NRXN3: variants seen among roughly 807,000 people sequenced by gnomAD.
NRXN3 encodes neurexin 3, also known as neurexin III.
In NRXN3, 32 loss-of-function variants were observed where a neutral mutation model predicts 137.6. The observed-to-expected ratio is 0.23, with a 90% confidence interval of 0.18 to 0.31. The LOEUF is 0.31. Ranked by LOEUF, NRXN3 falls within the 10% of genes least tolerant of loss-of-function variation. The pLI is 1.00. For synonymous variants in NRXN3, 798 were observed against 784.5 expected, an observed-to-expected ratio of 1.02 and a Z score of -0.29; for missense variants, 1,574 against 2,062.5, an observed-to-expected ratio of 0.76 and a Z score of 4.59.
intron 4 of NRXN3, among the ~76,000 whole-genome samples, chr14:78,611,639 C>T (rs1003906079): frequency 6.6e-6 from 1 of 152,122 alleles, no homozygotes; most frequent in Non-Finnish European, 1.5e-5. Flanking sequence ...AGAAGTTGAA[C>T]CCAAGATCAG....
chr14:78,805,671 T>G (rs1307587884), intron 9 of NRXN3, among the ~76,000 whole-genome samples: 3 of 151,792 alleles, frequency 2.0e-5, no homozygotes, highest in Non-Finnish European at 2.9e-5. Flanking sequence ...AAGACAATTT[T>G]TATCTCTGGA....
intron 10 of NRXN3, among the ~76,000 whole-genome samples, chr14:78,849,001 A>C (rs1021338212): frequency 6.6e-6 from 1 of 152,112 alleles, no homozygotes; most frequent in African/African-American, 2.4e-5. Flanking sequence ...GTCAGTGGTA[A>C]GTAATTATGC....
At chr14:78,337,026 G>T (rs1423445400) in intron 4 of NRXN3, among the ~76,000 whole-genome samples, 2 of 152,150 alleles carry the variant, frequency 1.3e-5, no homozygotes, top group African/African-American at 4.8e-5. Context: ...CTAGAATTTA[G>T]TCTAAGCCCC....
At chr14:78,777,799 G>C (rs1444011910) in intron 8 of NRXN3, among the ~76,000 whole-genome samples, 2 of 152,158 alleles carry the variant, frequency 1.3e-5, no homozygotes, top group Non-Finnish European at 2.9e-5. Flanking sequence ...GTCTCGTTCT[G>C]TCACCCAGGC....
chr14:78,917,988 G>GAAAA (rs71131666), intron 10 of NRXN3, among the ~76,000 whole-genome samples: 11,744 of 107,114 alleles, frequency 0.11, 812 homozygotes, highest in Non-Finnish European at 0.17. Context: ...ATAAAAAAAT[G>GAAAA]AAAAAAAAAA....
Position 79,862,561 on chromosome 14 carries a change from T to C in NRXN3, c.*597T>C, listed in dbSNP as rs2099415330. Reference sequence around the variant, plus strand: ...TAACTTTATGATCTGAGGGGAAAAATGGCTTTTGGGTTTTTGTTTATTTTT... The same window carrying C: ...TAACTTTATGATCTGAGGGGAAAAACGGCTTTTGGGTTTTTGTTTATTTTT... On this transcript the variant is annotated 3_prime_UTR_variant, in exon 21 of 21. Coordinates refer to ENST00000335750, the MANE Select transcript of NRXN3 (RefSeq NM_001330195.2). 1.3e-5 allele frequency: 2 copies of C among 151,926 alleles called. No individual in the cohort carries two copies. The highest frequency in any genetic ancestry group is 6.6e-5 in the Admixed American group (1 of 15,212). The allele number at this position is 151,926 out of a possible 1,614,324, so 9.4% of individuals were successfully genotyped here.
chr14:79,521,180 A>C (rs1394824275), intron 16 of NRXN3, among the ~76,000 whole-genome samples: 1 of 152,152 alleles, frequency 6.6e-6, no homozygotes, highest in African/African-American at 2.4e-5. Flanking sequence ...TGTGATAGAT[A>C]TATTTGTTCC....
chr14:79,207,747 A>G (rs2066999663), intron 15 of NRXN3, among the ~76,000 whole-genome samples: 1 of 152,134 alleles, frequency 6.6e-6, no homozygotes, highest in South Asian at 2.1e-4. Context: ...CATAGGCATA[A>G]GGGTTGTTCT....
chr14:79,418,003 A>C (rs2095521932), intron 15 of NRXN3, among the ~76,000 whole-genome samples: 1 of 152,174 alleles, frequency 6.6e-6, no homozygotes, highest in Non-Finnish European at 1.5e-5. Flanking sequence ...AAGGGAACCA[A>C]ACAAAACAGG....
chr14:79,724,899 G>A (rs1568018821), intron 19 of NRXN3, among the ~76,000 whole-genome samples: 1 of 152,164 alleles, frequency 6.6e-6, no homozygotes, highest in East Asian at 1.9e-4. Context: ...TTCATTTAGT[G>A]CTGAAATTGA....
chr14:79,222,459 C>A (rs1369644767), intron 15 of NRXN3, among the ~76,000 whole-genome samples: 1 of 152,018 alleles, frequency 6.6e-6, no homozygotes, highest in Non-Finnish European at 1.5e-5. Flanking sequence ...TAAGTTTGGG[C>A]AATTATGAAT....
intron 4 of NRXN3, among the ~76,000 whole-genome samples, chr14:78,484,796 C>A (rs1200764279): frequency 1.3e-5 from 2 of 152,118 alleles, no homozygotes; most frequent in Non-Finnish European, 2.9e-5. Flanking sequence ...GACCTGTATT[C>A]TTTCTCTAAG....
rs148903228 is a variant in NRXN3, at chr14:79,555,317, G to A, written c.3444+87915G>A. ...ATAGTATGGTTGGATTTATTGAACA[G>A]GCACAGTGTCAGGAATCCAACTGGC... is the stretch of plus-strand genomic sequence containing the variant. On this transcript the variant is annotated intron_variant, in intron 16 of 20. Coordinates refer to ENST00000335750, the MANE Select transcript of NRXN3 (RefSeq NM_001330195.2). Among the ~76,000 whole-genome samples, 468 of 152,270 alleles carry A rather than the reference G, an allele frequency of 3.1e-3. 1 individual carries two copies. Among genetic ancestry groups the A allele is most frequent in the Non-Finnish European group, 5.4e-3 (366 of 68,004 alleles).
chr14:78,798,461 C>T (rs2153069937), intron 8 of NRXN3, among the ~76,000 whole-genome samples: 1 of 152,342 alleles, frequency 6.6e-6, no homozygotes, highest in African/African-American at 2.4e-5. Flanking sequence ...TTGCAGAGTA[C>T]AATTCCTCTC....
At position 78,911,990 on chromosome 14, in the gene NRXN3, T is replaced by C. The variant is rs573725376; in HGVS notation, c.2276-45252T>C. Among the ~76,000 whole-genome samples, 12 of 151,978 alleles carry C rather than the reference T, an allele frequency of 7.9e-5. No individual in the cohort carries two copies. The East Asian group carries it at 1.4e-3, about 17-fold the overall frequency. On this transcript the variant is annotated intron_variant, in intron 10 of 20. Coordinates refer to ENST00000335750, the MANE Select transcript of NRXN3 (RefSeq NM_001330195.2). ...AACGTGCAGGTTTGTTACATATGTATACATGTGCCATGTTGGTGTGCTGCA... is the reference window on the plus strand; with the variant it reads ...AACGTGCAGGTTTGTTACATATGTACACATGTGCCATGTTGGTGTGCTGCA...
At chr14:78,208,788 G>C (rs941067865) in intron 1 of NRXN3, among the ~76,000 whole-genome samples, 1 of 152,166 alleles carries the variant, frequency 6.6e-6, no homozygotes, top group African/African-American at 2.4e-5. Flanking sequence ...TGAGTGCCGG[G>C]TCCAACTCTC....
intron 15 of NRXN3, among the ~76,000 whole-genome samples, chr14:79,295,181 TC>T (rs779329743): frequency 6.6e-6 from 1 of 152,056 alleles, no homozygotes; most frequent in Admixed American, 6.6e-5. Context: ...TTTCCTTTTT[TC>T]CCCCCTTGAA....
At chr14:79,362,186 C>T (rs2153419475) in intron 15 of NRXN3, among the ~76,000 whole-genome samples, 1 of 151,194 alleles carries the variant, frequency 6.6e-6, no homozygotes, top group South Asian at 2.1e-4. Context: ...TTCTAGGGTA[C>T]ATGTGCACAA....
chr14:79,706,746 A>T (rs1193566914), intron 19 of NRXN3, among the ~76,000 whole-genome samples: 2 of 152,196 alleles, frequency 1.3e-5, no homozygotes, highest in Non-Finnish European at 2.9e-5. Context: ...CTGCTTCAGC[A>T]CAAAGAAAAT....
Sources: gnomAD v4.1 joint callset for allele counts (sites outside exome capture counted in the v4.1 genomes callset) on GRCh38, gnomAD v4.1.1 for gene constraint, MANE v1.5 for transcripts, NCBI Gene and HGNC (gene_info 2026-07-23, HGNC 2026-07-21) for gene names.